The following ZNF423 variants were observed in gnomAD, a reference collection of about 807,000 sequenced individuals.
ZNF423 encodes the protein zinc finger protein 423.
In ZNF423, 12 loss-of-function variants were observed where a neutral mutation model predicts 95.8. That is an observed-to-expected ratio of 0.13 (90% confidence interval 0.08 to 0.20). ZNF423 has a LOEUF of 0.20. Ranked by LOEUF, ZNF423 falls within the 10% of genes least tolerant of loss-of-function variation. ZNF423 has a pLI of 1.00. For synonymous variants in ZNF423, 749 were observed against 711.9 expected (o/e 1.05, Z -0.83); for missense variants, 1,316 against 1,737.1 (o/e 0.76, Z 4.31).
At chr16:49,835,894 C>T (rs1388772758) in intron 1 of ZNF423, among the ~76,000 whole-genome samples, 1 of 152,164 alleles carries the variant, frequency 6.6e-6, no homozygotes, top group African/African-American at 2.4e-5. Flanking sequence ...CCAACTTAAG[C>T]CCCGGGGAAA....
At chr16:49,851,749 CAT>C (rs1189362944) in intron 1 of ZNF423, among the ~76,000 whole-genome samples, 1 of 152,204 alleles carries the variant, frequency 6.6e-6, no homozygotes, top group African/African-American at 2.4e-5. Flanking sequence ...GCCAGAGGCA[CAT>C]AGTTATCTTA....
At chr16:49,731,070 C>A in intron 2 of ZNF423, 99 bp from the exon 3 acceptor site, 1 of 1,378,910 alleles carries the variant, frequency 7.3e-7, no homozygotes, top group Non-Finnish European at 1.0e-6. Flanking sequence ...TTTAATTACT[C>A]TACCTCCCGG....
chr16:49,525,306 G>A (rs1968559234), intron 6 of ZNF423, 57 bp downstream of exon 6: 10 of 1,600,562 alleles, frequency 6.2e-6, no homozygotes, highest in South Asian at 2.2e-5. Context: ...CGCAATAACA[G>A]GGCAGGGCTC....
Position 49,513,554 on chromosome 16 carries a change from C to T in ZNF423, c.3849+10070G>A, listed in dbSNP as rs1257395483. On this transcript the variant is annotated intron_variant, in intron 7 of 7. Transcript: ENST00000563137. ...GGCTCCCGGAATCTGTGGGTTTCCC[C>T]TTCTTCCTTTTCCTCCTTTCCTGCT... Among the ~76,000 whole-genome samples, 3 of 152,160 alleles carry T rather than the reference C, an allele frequency of 2.0e-5. No homozygotes were observed. In the East Asian group the frequency reaches 5.8e-4, roughly 29 times the overall value.
intron 5 of ZNF423, among the ~76,000 whole-genome samples, chr16:49,533,887 G>A (rs564939062): frequency 5.9e-5 from 9 of 152,310 alleles, no homozygotes; most frequent in African/African-American, 1.9e-4. Context: ...CCCCGGCACA[G>A]TGGCTTACAC....
intron 2 of ZNF423, among the ~76,000 whole-genome samples, chr16:49,753,513 G>A (rs184338989): frequency 4.8e-4 from 72 of 151,534 alleles, no homozygotes; most frequent in Admixed American, 4.2e-3. Flanking sequence ...TAAAGCAGGA[G>A]GACTACTTGA....
chr16:49,715,096 T>C (rs1372505781), intron 3 of ZNF423, among the ~76,000 whole-genome samples: 2 of 152,180 alleles, frequency 1.3e-5, no homozygotes, highest in African/African-American at 2.4e-5. Context: ...GAGCATTTAC[T>C]ATGCACCAGG....
At chr16:49,816,681 G>A (rs2034860531) in intron 1 of ZNF423, among the ~76,000 whole-genome samples, 1 of 152,148 alleles carries the variant, frequency 6.6e-6, no homozygotes. Context: ...CTACTGGGGA[G>A]GCTGAGGTGG....
chr16:49,797,178 A>C (rs1485783170), intron 1 of ZNF423, among the ~76,000 whole-genome samples: 1 of 152,180 alleles, frequency 6.6e-6, no homozygotes, highest in African/African-American at 2.4e-5. Flanking sequence ...GTCAAGCATG[A>C]AACAGAGCAT....
At chr16:49,547,092 A>G (rs979255758) in intron 5 of ZNF423, among the ~76,000 whole-genome samples, 1 of 152,140 alleles carries the variant, frequency 6.6e-6, no homozygotes. Flanking sequence ...AGAAATCAAC[A>G]AAGACCTGTG....
chr16:49,535,180 G>A (rs545871413), intron 5 of ZNF423, among the ~76,000 whole-genome samples: 3 of 151,622 alleles, frequency 2.0e-5, no homozygotes, highest in Non-Finnish European at 4.4e-5. Context: ...CGCAGAGATC[G>A]GGGCCCAGCC....
chr16:49,779,532 G>A lies in ZNF423; in HGVS notation c.100+9955C>T, dbSNP rs1341964725. On this transcript the variant is annotated intron_variant, in intron 2 of 7. Transcript: ENST00000563137. ...ATTTGCACACATGTTCAAGTTTGAG[G>A]AGCACTGGTGCAAACCACCCCAGGA... 1.2e-4 allele frequency among the ~76,000 whole-genome samples: 18 copies of A among 152,098 alleles called. 1 individual carries two copies. The highest frequency in any genetic ancestry group is 6.5e-4 in the Admixed American group (10 of 15,274).
intron 5 of ZNF423, among the ~76,000 whole-genome samples, chr16:49,580,126 G>A (rs776142212): frequency 6.6e-6 from 1 of 152,124 alleles, no homozygotes; most frequent in Non-Finnish European, 1.5e-5. Context: ...ACAGCTTATA[G>A]TCCTGCAATA....
At chr16:49,713,688 A>G (rs2032615123) in intron 3 of ZNF423, among the ~76,000 whole-genome samples, 2 of 152,044 alleles carry the variant, frequency 1.3e-5, no homozygotes, top group South Asian at 4.2e-4. Context: ...TTCTGTTGGG[A>G]CCCTGACCAA....
chr16:49,572,498 C>T (rs925814553), intron 5 of ZNF423, among the ~76,000 whole-genome samples: 8 of 152,094 alleles, frequency 5.3e-5, no homozygotes, highest in African/African-American at 1.7e-4. Context: ...ACCAAAGGGC[C>T]GTAACATTGA....
At chr16:49,710,816 C>A (rs2032519988) in intron 3 of ZNF423, among the ~76,000 whole-genome samples, 1 of 152,194 alleles carries the variant, frequency 6.6e-6, no homozygotes, top group African/African-American at 2.4e-5. Flanking sequence ...GGCTTGCCAG[C>A]CTGAGAGGAC....
At chr16:49,568,007 G>A (rs1163639031) in intron 5 of ZNF423, among the ~76,000 whole-genome samples, 4 of 152,180 alleles carry the variant, frequency 2.6e-5, no homozygotes, top group African/African-American at 7.2e-5. Flanking sequence ...GAGAATAATG[G>A]CACTCCTGAA....
intron 1 of ZNF423, among the ~76,000 whole-genome samples, chr16:49,793,738 TA>T (rs374089645): frequency 9.5e-4 from 144 of 151,898 alleles, no homozygotes; most frequent in African/African-American, 3.3e-3. Flanking sequence ...AGCAGAGGCA[TA>T]GGGGCAAGTG....
intron 1 of ZNF423, among the ~76,000 whole-genome samples, chr16:49,800,460 G>A (rs1482282519): frequency 2.0e-5 from 3 of 152,026 alleles, no homozygotes; most frequent in Admixed American, 6.6e-5. Context: ...CCAACTGATC[G>A]GGGTTCTTTC....
Sources: gnomAD v4.1 joint callset for allele counts (sites outside exome capture counted in the v4.1 genomes callset) on GRCh38, gnomAD v4.1.1 for gene constraint, MANE v1.5 for transcripts, NCBI Gene and HGNC (gene_info 2026-07-23, HGNC 2026-07-21) for gene names.